The following KCNH8 variants were observed in gnomAD, a reference collection of about 807,000 sequenced individuals.
KCNH8 encodes the protein potassium voltage-gated channel subfamily H member 8.
KCNH8 carries 70 observed loss-of-function variants against 103.6 expected under a neutral mutation model. The ratio of observed to expected loss-of-function variants is 0.68; its 90% CI spans 0.56 to 0.82. The LOEUF is 0.82. Among genes scored for constraint, KCNH8 ranks in the 40% least tolerant of loss-of-function variants. The pLI is 0.00. For synonymous variants in KCNH8, 498 were observed against 489.4 expected (o/e 1.02, Z -0.23); for missense variants, 1,217 against 1,329.9 (o/e 0.92, Z 1.32).
In KCNH8 at chr3:19,501,254, A is replaced by G. The variant is rs552715211; in HGVS notation, c.2041-9109A>G. On this transcript the variant is annotated intron_variant, in intron 11 of 15. Transcript: ENST00000328405. ...AGAAGTTGAATCTCTGAATAGACCA[A>G]TAACAGGAGCTGAAATTGTGGCAAT... 1.2e-4 allele frequency among the ~76,000 whole-genome samples: 18 copies of G among 152,246 alleles called. No individual in the cohort carries two copies. The South Asian group carries it at 3.5e-3, about 30-fold the overall frequency.
chr3:19,353,842 C>G (rs2065840599), intron 5 of KCNH8, among the ~76,000 whole-genome samples: 1 of 152,116 alleles, frequency 6.6e-6, no homozygotes, highest in South Asian at 2.1e-4. Flanking sequence ...GATGCCCTCT[C>G]TCACCACTCC....
intron 1 of KCNH8, among the ~76,000 whole-genome samples, chr3:19,240,402 C>T (rs1316056208): frequency 3.9e-5 from 6 of 151,938 alleles, no homozygotes; most frequent in Admixed American, 6.6e-5. Flanking sequence ...CGCCTGAGGT[C>T]GGGAGTTCAA....
At chr3:19,238,902 A>T (rs1335151955) in intron 1 of KCNH8, among the ~76,000 whole-genome samples, 1 of 152,230 alleles carries the variant, frequency 6.6e-6, no homozygotes, top group African/African-American at 2.4e-5. Flanking sequence ...CCAAAATAGT[A>T]GCTTTAATTT....
chr3:19,305,058 C>G (rs189504865), intron 3 of KCNH8, among the ~76,000 whole-genome samples: 27 of 151,336 alleles, frequency 1.8e-4, no homozygotes, highest in African/African-American at 6.1e-4. Context: ...AGCATCATGA[C>G]ACTGTTAACT....
intron 11 of KCNH8, among the ~76,000 whole-genome samples, chr3:19,509,807 G>A (rs2125240275): frequency 1.3e-5 from 2 of 152,180 alleles, no homozygotes; most frequent in South Asian, 4.1e-4. Context: ...GTGAGATAGT[G>A]GAAAACAAGT....
At chr3:19,520,026 C>T (rs1298048486) in intron 15 of KCNH8, among the ~76,000 whole-genome samples, 1 of 151,100 alleles carries the variant, frequency 6.6e-6, no homozygotes, top group Non-Finnish European at 1.5e-5. Flanking sequence ...AAAAAAATTA[C>T]CATTTTAAAA....
At chr3:19,420,109 C>G (rs568613065) in intron 7 of KCNH8, among the ~76,000 whole-genome samples, 1 of 152,230 alleles carries the variant, frequency 6.6e-6, no homozygotes, top group South Asian at 2.1e-4. Flanking sequence ...ATAGCAACAG[C>G]ATTAGCTACA....
intron 3 of KCNH8, among the ~76,000 whole-genome samples, chr3:19,342,277 A>G (rs1201389629): frequency 6.6e-6 from 1 of 152,140 alleles, no homozygotes; most frequent in Non-Finnish European, 1.5e-5. Flanking sequence ...GAGTAGAACT[A>G]GGGATTTCAG....
At chr3:19,491,855 T>A (rs2068329720) in intron 11 of KCNH8, among the ~76,000 whole-genome samples, 1 of 152,236 alleles carries the variant, frequency 6.6e-6, no homozygotes, top group Admixed American at 6.5e-5. Flanking sequence ...GACTTTTTAA[T>A]AACAGCCATT....
chr3:19,271,205 G>A (rs13064845), intron 2 of KCNH8, among the ~76,000 whole-genome samples: 19,298 of 152,048 alleles, frequency 0.13, 1,649 homozygotes, highest in Non-Finnish European at 0.19. Flanking sequence ...ATGATTTGAG[G>A]TCTAGTCCCA....
chr3:19,281,183 T>C lies in KCNH8; in HGVS notation c.311-15T>C, dbSNP rs779137594. The C allele has an allele frequency of 3.7e-6, 6 of 1,602,654 alleles. No individual in the cohort carries two copies. The Admixed American group carries it at 6.9e-5, about 18-fold the overall frequency. On this transcript the variant is annotated splice_polypyrimidine_tract_variant and intron_variant, in intron 2 of 15. Coordinates refer to ENST00000328405, the MANE Select transcript of KCNH8 (RefSeq NM_144633.3). ...GCAATGGTTGATTTGTATTTTTTTT[T>C]CTTTACTGTTGCAGGGTCTCCATTT...
intron 3 of KCNH8, among the ~76,000 whole-genome samples, chr3:19,336,489 G>GGTA (rs1178889195): frequency 6.6e-6 from 1 of 151,506 alleles, no homozygotes; most frequent in Non-Finnish European, 1.5e-5. Flanking sequence ...TTCTTTCTTT[G>GGTA]GTAGATACCA....
intron 3 of KCNH8, among the ~76,000 whole-genome samples, chr3:19,311,630 A>G (rs1295412037): frequency 6.6e-6 from 1 of 151,738 alleles, no homozygotes; most frequent in African/African-American, 2.4e-5. Context: ...CTCAGTCTGT[A>G]GTTTTGGTGG....
chr3:19,380,032 C>G (rs1176237487), intron 5 of KCNH8, among the ~76,000 whole-genome samples: 1 of 152,064 alleles, frequency 6.6e-6, no homozygotes, highest in East Asian at 1.9e-4. Context: ...GCTTATTAAT[C>G]CTTATATCAA....
chr3:19,491,240 G>A (rs948171736), intron 11 of KCNH8, among the ~76,000 whole-genome samples: 2 of 152,010 alleles, frequency 1.3e-5, no homozygotes, highest in Non-Finnish European at 2.9e-5. Flanking sequence ...TAGATAGATG[G>A]GGTACATGGG....
At chr3:19,465,425 A>T (rs2067714967) in intron 11 of KCNH8, among the ~76,000 whole-genome samples, 1 of 152,162 alleles carries the variant, frequency 6.6e-6, no homozygotes, top group African/African-American at 2.4e-5. Flanking sequence ...GATTCCTTTC[A>T]AAATATTACT....
intron 5 of KCNH8, among the ~76,000 whole-genome samples, chr3:19,374,147 C>A (rs547074125): frequency 6.6e-6 from 1 of 150,530 alleles, no homozygotes; most frequent in Non-Finnish European, 1.5e-5. Context: ...GAGCTGAGTT[C>A]AATTCCTGGG....
At chr3:19,180,750 A>G (rs1387633276) in intron 1 of KCNH8, among the ~76,000 whole-genome samples, 3 of 152,176 alleles carry the variant, frequency 2.0e-5, no homozygotes, top group Non-Finnish European at 1.5e-5. Flanking sequence ...CAAAAAGACT[A>G]TTTGATAGGC....
At chr3:19,508,921 A>G (rs562704241) in intron 11 of KCNH8, among the ~76,000 whole-genome samples, 2 of 152,340 alleles carry the variant, frequency 1.3e-5, no homozygotes, top group Admixed American at 6.5e-5. Flanking sequence ...TCTTTCTCTT[A>G]TATCTCTAAC....
Sources: gnomAD v4.1 joint callset for allele counts (sites outside exome capture counted in the v4.1 genomes callset) on GRCh38, gnomAD v4.1.1 for gene constraint, MANE v1.5 for transcripts, NCBI Gene and HGNC (gene_info 2026-07-23, HGNC 2026-07-21) for gene names.